CYTH3: variants seen among roughly 807,000 people sequenced by gnomAD.
CYTH3 encodes cytohesin 3.
In CYTH3, 23 loss-of-function variants were observed where a neutral mutation model predicts 55.1. The ratio of observed to expected loss-of-function variants is 0.42; its 90% CI spans 0.30 to 0.59. The LOEUF (loss-of-function observed/expected upper bound fraction) is 0.59, where lower values mean the gene tolerates loss of function less well. Among genes scored for constraint, CYTH3 ranks in the 20% least tolerant of loss-of-function variants. The probability of loss-of-function intolerance (pLI) is 0.20; values close to 1 mark genes in which losing one functional copy is unlikely to be tolerated. For synonymous variants in CYTH3, 249 were observed against 194.9 expected (o/e 1.28, Z -2.31); for missense variants, 413 against 524.8 (o/e 0.79, Z 2.08).
At chr7:6,211,254 C>T (rs1784312749) in intron 1 of CYTH3, among the ~76,000 whole-genome samples, 1 of 152,234 alleles carries the variant, frequency 6.6e-6, no homozygotes, top group South Asian at 2.1e-4. Flanking sequence ...GTCTAAAGGA[C>T]AGACTCTCAG....
At chr7:6,187,577 C>G (rs940731366) in intron 3 of CYTH3, 80 bp downstream of exon 3, 1 of 1,274,266 alleles carries the variant, frequency 7.8e-7, no homozygotes, top group South Asian at 1.2e-5. Context: ...ACTCTCACCC[C>G]ACTTTCTGCA....
chr7:6,181,431 G>GC (rs1260700889), intron 4 of CYTH3, among the ~76,000 whole-genome samples: 1 of 152,122 alleles, frequency 6.6e-6, no homozygotes, highest in African/African-American at 2.4e-5. Flanking sequence ...GTTTCCTCAG[G>GC]CCTTGGCAGG....
intron 1 of CYTH3, among the ~76,000 whole-genome samples, chr7:6,210,765 G>C (rs919048013): frequency 9.2e-5 from 14 of 152,134 alleles, no homozygotes; most frequent in African/African-American, 3.4e-4. Context: ...GCCAGGCTTA[G>C]GAAAGCAGTA....
chr7:6,242,023 G>T (rs955056997), intron 1 of CYTH3, among the ~76,000 whole-genome samples: 1 of 152,142 alleles, frequency 6.6e-6, no homozygotes, highest in Non-Finnish European at 1.5e-5. Context: ...ATATACCACT[G>T]TAACACAATA....
At chr7:6,230,241 CGTT>C (rs1426050797) in intron 1 of CYTH3, among the ~76,000 whole-genome samples, 1 of 152,100 alleles carries the variant, frequency 6.6e-6, no homozygotes, top group Non-Finnish European at 1.5e-5. Context: ...TGCATGTGGC[CGTT>C]ATTATTGTTG....
At chr7:6,255,498 A>G (rs558008871) in intron 1 of CYTH3, among the ~76,000 whole-genome samples, 1 of 152,310 alleles carries the variant, frequency 6.6e-6, no homozygotes, top group Non-Finnish European at 1.5e-5. Flanking sequence ...GAATGGCTAC[A>G]TAGTTATCTC....
chr7:6,198,653 C>A (rs903517018), intron 1 of CYTH3, among the ~76,000 whole-genome samples: 1 of 151,916 alleles, frequency 6.6e-6, no homozygotes. Flanking sequence ...GTTTTTTCCT[C>A]CCAAGAAATC....
At chr7:6,251,851 T>C (rs1779980232) in intron 1 of CYTH3, among the ~76,000 whole-genome samples, 1 of 152,154 alleles carries the variant, frequency 6.6e-6, no homozygotes, top group African/African-American at 2.4e-5. Flanking sequence ...CATTGGTATT[T>C]AATAGTCCCC....
At chr7:6,197,867 A>G (rs989928040) in intron 1 of CYTH3, among the ~76,000 whole-genome samples, 14 of 152,192 alleles carry the variant, frequency 9.2e-5, no homozygotes, top group Non-Finnish European at 1.6e-4. Flanking sequence ...CAAAGCCAGA[A>G]GATTGCTTGA....
chr7:6,256,834 GCTCC>G (rs1780140726), intron 1 of CYTH3, among the ~76,000 whole-genome samples: 1 of 152,208 alleles, frequency 6.6e-6, no homozygotes, highest in Non-Finnish European at 1.5e-5. Context: ...TGTGGACTCT[GCTCC>G]CTCTGAGAGC....
chr7:6,197,978 C>T (rs942020943), intron 1 of CYTH3, among the ~76,000 whole-genome samples: 1 of 151,566 alleles, frequency 6.6e-6, no homozygotes, highest in Admixed American at 6.6e-5. Context: ...CCCACAGTCC[C>T]GGGTACTCAA....
chr7:6,240,186 C>A (rs770815494), intron 1 of CYTH3, among the ~76,000 whole-genome samples: 1 of 151,198 alleles, frequency 6.6e-6, no homozygotes, highest in Admixed American at 6.6e-5. Context: ...GGCACCTGTA[C>A]TCCCAGCTAC....
chr7:6,173,604 C>T (rs749921044), intron 6 of CYTH3, 49 bp downstream of exon 6: 1 of 1,239,378 alleles, frequency 8.1e-7, no homozygotes. Flanking sequence ...AGGCAGTGGT[C>T]CTCTGGCCTT....
intron 4 of CYTH3, among the ~76,000 whole-genome samples, chr7:6,180,460 C>T (rs1783478451): frequency 6.6e-6 from 1 of 152,186 alleles, no homozygotes; most frequent in East Asian, 1.9e-4. Flanking sequence ...AGGCAGAGAC[C>T]ACAGTGAGGT....
chr7:6,272,197 G>C (rs1780681098), intron 1 of CYTH3, among the ~76,000 whole-genome samples: 1 of 151,270 alleles, frequency 6.6e-6, no homozygotes, highest in South Asian at 2.1e-4. Context: ...ACCCCGGCCC[G>C]AGACTCCGGG....
chr7:6,179,134 ACAGT>A (rs1783414816), intron 4 of CYTH3, among the ~76,000 whole-genome samples: 2 of 152,198 alleles, frequency 1.3e-5, no homozygotes, highest in Admixed American at 6.5e-5. Flanking sequence ...AAAACTGAAA[ACAGT>A]CAGTAAGAGA....
intron 1 of CYTH3, among the ~76,000 whole-genome samples, chr7:6,224,610 C>T (rs1261730437): frequency 6.6e-6 from 1 of 152,126 alleles, no homozygotes; most frequent in Non-Finnish European, 1.5e-5. Context: ...ACATTGCTGG[C>T]GTGAATGGAA....
rs1257843950 is a variant in CYTH3, at chr7:6,170,431, G to A, written c.823+104C>T. The A allele has an allele frequency of 9.5e-7, 1 of 1,050,600 alleles. No individual in the cohort carries two copies. Among genetic ancestry groups the A allele is most frequent in the Non-Finnish European group, 1.4e-6 (1 of 719,944 alleles). The allele number at this position is 1,050,600 out of a possible 1,614,324, so 65.1% of individuals were successfully genotyped here. ...AACCGCGTTTCTTTTTAACGTCTCTGCCTGCGGTGGGGGGCATTCCTACGA... is the reference window on the plus strand; with the variant it reads ...AACCGCGTTTCTTTTTAACGTCTCTACCTGCGGTGGGGGGCATTCCTACGA... On this transcript the variant is annotated intron_variant, in intron 9 of 12. Coordinates refer to ENST00000350796, the MANE Select transcript of CYTH3 (RefSeq NM_004227.4). This position sits in a 1 kb window ranked among gnomAD's most constrained non-coding sequence, Gnocchi z 7.8.
chr7:6,248,154 T>G (rs565285480), intron 1 of CYTH3, among the ~76,000 whole-genome samples: 2 of 149,880 alleles, frequency 1.3e-5, no homozygotes, highest in Admixed American at 1.3e-4. Flanking sequence ...AAAAATTATA[T>G]CCCCCTCCTA....
Sources: allele counts gnomAD v4.1 joint callset (sites outside exome capture counted in the v4.1 genomes callset), GRCh38; gene constraint gnomAD v4.1.1; non-coding constraint Gnocchi (gnomAD v3.1); transcripts MANE v1.5; gene names NCBI Gene and HGNC (gene_info 2026-07-23, HGNC 2026-07-21).